RUBCN: variants seen among roughly 807,000 people sequenced by gnomAD.
RUBCN encodes rubicon autophagy regulator, also known as run domain Beclin-1-interacting and cysteine-rich domain-containing protein.
Under a neutral mutation model 113.2 loss-of-function variants are expected in RUBCN, and 74 were observed. The ratio of observed to expected loss-of-function variants is 0.65; its 90% confidence interval spans 0.54 to 0.79. The LOEUF (loss-of-function observed/expected upper bound fraction) is 0.79, where lower values mean the gene tolerates loss of function less well. Ranked by LOEUF, RUBCN falls within the 30% of genes least tolerant of loss-of-function variation. RUBCN has a pLI of 0.00. For missense variants in RUBCN, 1,109 were observed against 1,251.7 expected, an observed-to-expected ratio of 0.89 and a Z score of 1.72; for synonymous variants, 480 against 490.0, an observed-to-expected ratio of 0.98 and a Z score of 0.27.
intron 18 of RUBCN, chr3:197,676,227 A>G: frequency 3.0e-6 from 3 of 990,842 alleles, no homozygotes; most frequent in African/African-American, 1.7e-5. Context: ...GAGGGGACAA[A>G]GTATTTATTT....
At chr3:197,732,337 C>T (rs113896094) in intron 1 of RUBCN, among the ~76,000 whole-genome samples, 12,952 of 152,188 alleles carry the variant, frequency 0.085, 638 homozygotes, top group Middle Eastern at 0.12. Context: ...ATTTTTGAGA[C>T]GAGTCTCACT....
At chr3:197,720,413 A>ATT (rs997783761) in intron 1 of RUBCN, among the ~76,000 whole-genome samples, 1 of 145,934 alleles carries the variant, frequency 6.9e-6, no homozygotes, top group South Asian at 2.2e-4. Flanking sequence ...GTTGACGGAC[A>ATT]TTTTTTTTTT....
chr3:197,747,448 T>G (rs766925900), intron 1 of RUBCN, among the ~76,000 whole-genome samples: 1 of 151,878 alleles, frequency 6.6e-6, no homozygotes, highest in African/African-American at 2.4e-5. Flanking sequence ...CTCGTACTCC[T>G]GGGCTCAAGT....
At chr3:197,743,091 CAGGGACTT>C (rs1388228942) in intron 1 of RUBCN, among the ~76,000 whole-genome samples, 2 of 152,350 alleles carry the variant, frequency 1.3e-5, no homozygotes, top group East Asian at 3.9e-4. Context: ...AACTGATGCT[CAGGGACTT>C]AGTGGCCAGT....
chr3:197,727,624 T>C (rs370513762), intron 1 of RUBCN, among the ~76,000 whole-genome samples: 2 of 152,184 alleles, frequency 1.3e-5, no homozygotes, highest in South Asian at 4.1e-4. Flanking sequence ...TAAGCATGGA[T>C]TGCAAGGCCC....
At chr3:197,746,552 C>G (rs1728754141) in intron 1 of RUBCN, among the ~76,000 whole-genome samples, 1 of 152,090 alleles carries the variant, frequency 6.6e-6, no homozygotes, top group African/African-American at 2.4e-5. Flanking sequence ...TGAAATGATT[C>G]TCTGTTGTAA....
At chr3:197,735,325 A>G (rs1414077783) in intron 1 of RUBCN, among the ~76,000 whole-genome samples, 1 of 152,200 alleles carries the variant, frequency 6.6e-6, no homozygotes, top group Non-Finnish European at 1.5e-5. Flanking sequence ...CTTGAGCCCA[A>G]GAGTTGGAGG....
intron 11 of RUBCN, among the ~76,000 whole-genome samples, chr3:197,686,301 T>C (rs1013440709): frequency 1.3e-5 from 2 of 152,170 alleles, no homozygotes; most frequent in Non-Finnish European, 1.5e-5. Context: ...AAAATACAAT[T>C]GAGTCACACT....
At chr3:197,706,305 C>T (rs992123701) in intron 2 of RUBCN, among the ~76,000 whole-genome samples, 9 of 152,018 alleles carry the variant, frequency 5.9e-5, no homozygotes, top group Admixed American at 1.3e-4. Context: ...TGTTGTTTTT[C>T]GATAACCTTT....
chr3:197,738,402 A>C (rs946417016), upstream of RUBCN, among the ~76,000 whole-genome samples: 1 of 152,234 alleles, frequency 6.6e-6, no homozygotes, highest in Admixed American at 6.5e-5. Context: ...GCTTTTAGGT[A>C]TTTTCAAACT....
At chr3:197,728,785 G>C (rs1727049916) in intron 1 of RUBCN, among the ~76,000 whole-genome samples, 1 of 152,228 alleles carries the variant, frequency 6.6e-6, no homozygotes, top group Admixed American at 6.5e-5. Flanking sequence ...GGAGATGTCA[G>C]ATGTGCTCTA....
chr3:197,715,561 T>C lies in RUBCN; in HGVS notation c.219+2416A>G, dbSNP rs369258149. ...AGGAGAGCTCTTCCTATTCTCTTAA[T>C]GCTTTACATACCACACCAACCCTAG... On this transcript the variant is annotated intron_variant, in intron 2 of 19. Transcript: ENST00000296343. Among the ~76,000 whole-genome samples the C allele has an allele frequency of 1.6e-4, 24 of 152,332 alleles. No individual in the cohort carries two copies. In the South Asian group the frequency reaches 1.7e-3, roughly 11 times the overall value.
intron 1 of RUBCN, among the ~76,000 whole-genome samples, chr3:197,722,210 C>G (rs566153428): frequency 6.6e-6 from 1 of 151,658 alleles, no homozygotes; most frequent in African/African-American, 2.4e-5. Context: ...TGCACTCCAG[C>G]CTGGGTGACA....
At chr3:197,677,215 G>A (rs554579377) in intron 17 of RUBCN, among the ~76,000 whole-genome samples, 177 bp from the exon 18 acceptor site, 1 of 152,248 alleles carries the variant, frequency 6.6e-6, no homozygotes, top group South Asian at 2.1e-4. Context: ...TGGCAGGAGT[G>A]ACTGATTTAT....
chr3:197,715,008 G>T (rs1222490039), intron 2 of RUBCN, among the ~76,000 whole-genome samples: 1 of 152,006 alleles, frequency 6.6e-6, no homozygotes, highest in Non-Finnish European at 1.5e-5. Context: ...AAAGAAACTC[G>T]GCTAGGCGCA....
At chr3:197,703,715 G>A in intron 4 of RUBCN, 61 bp from the exon 5 acceptor site, 2 of 1,039,300 alleles carry the variant, frequency 1.9e-6, no homozygotes, top group Non-Finnish European at 3.0e-6. Context: ...AGAGAAGCTT[G>A]AGGAAGCAGA....
At chr3:197,684,669 T>C (rs57971566) in intron 11 of RUBCN, among the ~76,000 whole-genome samples, 6,531 of 151,508 alleles carry the variant, frequency 0.043, 457 homozygotes, top group African/African-American at 0.15. Flanking sequence ...CATATATATA[T>C]ACACACACAC....
chr3:197,729,323 G>A (rs1294150926), intron 1 of RUBCN, among the ~76,000 whole-genome samples: 1 of 151,826 alleles, frequency 6.6e-6, no homozygotes, highest in Non-Finnish European at 1.5e-5. Flanking sequence ...CGCGATCTCG[G>A]CTCACTACAA....
chr3:197,701,390 G>A (rs1469745779), intron 6 of RUBCN, among the ~76,000 whole-genome samples: 3 of 152,164 alleles, frequency 2.0e-5, no homozygotes, highest in African/African-American at 2.4e-5. Context: ...AGGCTCAAAT[G>A]GGATAACACA....
Sources: gnomAD v4.1 joint callset for allele counts (sites outside exome capture counted in the v4.1 genomes callset) on GRCh38, gnomAD v4.1.1 for gene constraint, MANE v1.5 for transcripts, NCBI Gene and HGNC (gene_info 2026-07-23, HGNC 2026-07-21) for gene names.